Variants in CSGALNACT1 observed in about 807,000 individuals in gnomAD.
CSGALNACT1 encodes the protein beta4GalNAcT-1.
Under a neutral mutation model 51.0 loss-of-function variants are expected in CSGALNACT1, and 52 were observed. The observed-to-expected ratio is 1.02, with a 90% confidence interval of 0.82 to 1.29. The LOEUF (loss-of-function observed/expected upper bound fraction) is 1.29, where lower values mean the gene tolerates loss of function less well. Among genes scored for constraint, CSGALNACT1 ranks in the 50% most tolerant of loss-of-function variants. The pLI, the probability that CSGALNACT1 is intolerant of heterozygous loss-of-function variation, is 0.00. For synonymous variants in CSGALNACT1, 341 were observed against 254.4 expected (o/e 1.34, Z -3.24); for missense variants, 935 against 679.2 (o/e 1.38, Z -4.19).
At chr8:19,407,726 T>C (rs28663028) in intron 9 of CSGALNACT1, among the ~76,000 whole-genome samples, 1 of 151,530 alleles carries the variant, frequency 6.6e-6, no homozygotes, top group Non-Finnish European at 1.5e-5. Flanking sequence ...CGCATGTGCA[T>C]ATTTGTGTAT....
At chr8:19,708,776 A>G (rs901596659) in intron 1 of CSGALNACT1, among the ~76,000 whole-genome samples, 1 of 152,148 alleles carries the variant, frequency 6.6e-6, no homozygotes, top group African/African-American at 2.4e-5. Context: ...ACAGAGCTTC[A>G]GGAGGAAAAA....
At chr8:19,410,926 A>G (rs2055561581) in intron 8 of CSGALNACT1, among the ~76,000 whole-genome samples, 1 of 152,228 alleles carries the variant, frequency 6.6e-6, no homozygotes, top group Admixed American at 6.5e-5. Flanking sequence ...GGACGCGCTC[A>G]ATAGCAGTCT....
chr8:19,510,516 C>T (rs1445563591), intron 3 of CSGALNACT1, among the ~76,000 whole-genome samples: 1 of 152,082 alleles, frequency 6.6e-6, no homozygotes, highest in Non-Finnish European at 1.5e-5. Flanking sequence ...ATAAAAAGTT[C>T]CAGGAGATGA....
exon 10 of CSGALNACT1, chr8:19,405,782 A>G (rs2054015654): frequency 6.2e-7 from 1 of 1,614,140 alleles, no homozygotes; most frequent in Non-Finnish European, 8.5e-7. Flanking sequence ...CTGGGAGTTC[A>G]TGTTTTTTTG....
rs780132477 is a variant in CSGALNACT1 at position 19,628,114 on chromosome 8, T to C, written c.-543-26249A>G. 2.6e-4 allele frequency among the ~76,000 whole-genome samples: 39 copies of C among 152,154 alleles called. 1 individual carries two copies. Among genetic ancestry groups the C allele is most frequent in the South Asian group, 4.1e-4 (2 of 4,836 alleles). On this transcript the variant is annotated intron_variant, in intron 1 of 9. Coordinates refer to the CSGALNACT1 transcript ENST00000332246. ...TGAGAACTTTACATACATCAATACA[T>C]TAAGTCCTTACACCTTTGCAGTAGA...
chr8:19,663,436 T>C (rs1188071170), intron 1 of CSGALNACT1, among the ~76,000 whole-genome samples: 2 of 152,194 alleles, frequency 1.3e-5, no homozygotes, highest in Non-Finnish European at 2.9e-5. Context: ...AGAGCAAATT[T>C]TAAGTTTAAA....
intron 3 of CSGALNACT1, among the ~76,000 whole-genome samples, chr8:19,534,249 C>T (rs144974826): frequency 1.3e-5 from 2 of 152,008 alleles, no homozygotes; most frequent in Non-Finnish European, 2.9e-5. Context: ...GTCAGGAGTT[C>T]GAGACTAGCC....
At chr8:19,516,766 C>G (rs2079602841) in intron 3 of CSGALNACT1, among the ~76,000 whole-genome samples, 1 of 152,226 alleles carries the variant, frequency 6.6e-6, no homozygotes, top group East Asian at 1.9e-4. Flanking sequence ...CCCATTACTC[C>G]TTGGGCCTGG....
At chr8:19,471,724 G>A (rs964151017) in intron 4 of CSGALNACT1, among the ~76,000 whole-genome samples, 2 of 152,178 alleles carry the variant, frequency 1.3e-5, no homozygotes, top group Admixed American at 1.3e-4. Context: ...GACAGGAAAG[G>A]GTGAAAGCTT....
chr8:19,643,691 C>T (rs1179486598), intron 1 of CSGALNACT1, among the ~76,000 whole-genome samples: 1 of 150,130 alleles, frequency 6.7e-6, no homozygotes, highest in East Asian at 1.9e-4. Flanking sequence ...AATGTTAATA[C>T]ACAGATTTTC....
intron 1 of CSGALNACT1, among the ~76,000 whole-genome samples, chr8:19,717,313 AC>A (rs1237721334): frequency 6.6e-6 from 1 of 152,212 alleles, no homozygotes; most frequent in Non-Finnish European, 1.5e-5. Flanking sequence ...TTCCTTTGTC[AC>A]CACTGACATA....
intron 4 of CSGALNACT1, among the ~76,000 whole-genome samples, chr8:19,470,755 T>A (rs962449479): frequency 1.3e-5 from 2 of 152,114 alleles, no homozygotes; most frequent in Admixed American, 1.3e-4. Flanking sequence ...AAATGCTAAC[T>A]GAACGCAGGC....
chr8:19,514,812 G>C (rs1354269234), intron 3 of CSGALNACT1, among the ~76,000 whole-genome samples: 1 of 151,618 alleles, frequency 6.6e-6, no homozygotes, highest in Admixed American at 6.6e-5. Context: ...CAGCCTGGGG[G>C]ACAGAGTGAA....
intron 1 of CSGALNACT1, among the ~76,000 whole-genome samples, chr8:19,727,638 A>T (rs561641243): frequency 6.6e-6 from 1 of 152,326 alleles, no homozygotes; most frequent in South Asian, 2.1e-4. Flanking sequence ...AGCCACTGCA[A>T]TTGGCCACAA....
chr8:19,506,449 G>A (rs1039907152), intron 3 of CSGALNACT1, among the ~76,000 whole-genome samples: 5 of 152,160 alleles, frequency 3.3e-5, no homozygotes, highest in Admixed American at 6.6e-5. Flanking sequence ...GCATAGTGGC[G>A]CAAGTCCTGA....
At chr8:19,683,806 T>C (rs1358833866), upstream of CSGALNACT1, among the ~76,000 whole-genome samples, 1 of 148,348 alleles carries the variant, frequency 6.7e-6, no homozygotes, top group Non-Finnish European at 1.5e-5. Context: ...GTCAAGAAAG[T>C]ATTTTTTTTT....
chr8:19,435,792 T>A (rs1376601345), intron 6 of CSGALNACT1, among the ~76,000 whole-genome samples: 3 of 152,224 alleles, frequency 2.0e-5, no homozygotes, highest in Non-Finnish European at 4.4e-5. Context: ...ATATTGAGAA[T>A]CGATTTGTAT....
chr8:19,407,668 A>G (rs143075067), intron 9 of CSGALNACT1, among the ~76,000 whole-genome samples: 2,011 of 152,196 alleles, frequency 0.013, 20 homozygotes, highest in Middle Eastern at 0.021. Context: ...CTCCTCACCT[A>G]GATCCCAAGG....
intron 3 of CSGALNACT1, among the ~76,000 whole-genome samples, chr8:19,519,602 G>A (rs967910504): frequency 1.3e-5 from 2 of 152,204 alleles, no homozygotes; most frequent in African/African-American, 4.8e-5. Context: ...GTCTCGTGAA[G>A]TGCCAAATCA....
Sources: allele counts gnomAD v4.1 joint callset (sites outside exome capture counted in the v4.1 genomes callset), GRCh38; gene constraint gnomAD v4.1.1; transcripts MANE v1.5; gene names NCBI Gene and HGNC (gene_info 2026-07-23, HGNC 2026-07-21).